The following CSMD2 variants were observed in gnomAD, a reference collection of about 807,000 sequenced individuals.
CSMD2 encodes the protein CUB and sushi domain-containing protein 2.
A neutral mutation model predicts 398.5 loss-of-function variants in CSMD2; 130 were observed. That is an observed-to-expected ratio of 0.33 (90% CI 0.28 to 0.38). CSMD2 has a LOEUF of 0.38. Ranked by LOEUF, CSMD2 falls within the 10% of genes least tolerant of loss-of-function variation. The pLI is 1.00. For missense variants in CSMD2, 3,829 were observed against 4,764.9 expected, an observed-to-expected ratio of 0.80 and a Z score of 5.78; for synonymous variants, 1,828 against 1,908.5, an observed-to-expected ratio of 0.96 and a Z score of 1.10.
chr1:33,800,953 A>C (rs1655531943), intron 10 of CSMD2, among the ~76,000 whole-genome samples: 1 of 150,948 alleles, frequency 6.6e-6, no homozygotes, highest in African/African-American at 2.4e-5. Context: ...GTTTGAGTAA[A>C]TGTTTGCTGA....
chr1:33,618,788 C>T (rs1165405413), intron 37 of CSMD2, among the ~76,000 whole-genome samples: 1 of 151,942 alleles, frequency 6.6e-6, no homozygotes, highest in Non-Finnish European at 1.5e-5. Flanking sequence ...AGGACACAGG[C>T]CATAGGAGGC....
chr1:33,774,358 G>C (rs1001436606), intron 12 of CSMD2, among the ~76,000 whole-genome samples: 1 of 152,162 alleles, frequency 6.6e-6, no homozygotes, highest in African/African-American at 2.4e-5. Flanking sequence ...GCTCAGGGAT[G>C]GGGGAGGGGA....
intron 1 of CSMD2, among the ~76,000 whole-genome samples, chr1:34,145,358 G>A (rs12144089): frequency 1.3e-5 from 2 of 152,214 alleles, no homozygotes; most frequent in African/African-American, 2.4e-5. Context: ...CAGAAAGGCA[G>A]GAGGGCTGCA....
chr1:33,703,419 AT>A (rs1424328027), intron 22 of CSMD2, among the ~76,000 whole-genome samples: 5 of 152,126 alleles, frequency 3.3e-5, no homozygotes, highest in Non-Finnish European at 1.5e-5. Flanking sequence ...TTTGATTGCT[AT>A]TGGGAATTGG....
intron 3 of CSMD2, among the ~76,000 whole-genome samples, chr1:33,940,526 G>C: frequency 6.6e-6 from 1 of 151,760 alleles, no homozygotes. Flanking sequence ...ACTTTATCTT[G>C]TGGGATATGG....
chr1:34,116,516 A>G (rs1186424967), intron 1 of CSMD2, among the ~76,000 whole-genome samples: 1 of 152,224 alleles, frequency 6.6e-6, no homozygotes, highest in Non-Finnish European at 1.5e-5. Flanking sequence ...GACAGAATTA[A>G]AGAGAAAAAT....
At chr1:33,886,707 C>T (rs770530046) in intron 5 of CSMD2, among the ~76,000 whole-genome samples, 1 of 152,196 alleles carries the variant, frequency 6.6e-6, no homozygotes, top group African/African-American at 2.4e-5. Flanking sequence ...CAGCAGCCAG[C>T]CGCAGGAAAG....
At chr1:33,653,786 C>G (rs1398442410) in intron 27 of CSMD2, among the ~76,000 whole-genome samples, 1 of 152,114 alleles carries the variant, frequency 6.6e-6, no homozygotes, top group Non-Finnish European at 1.5e-5. Context: ...ATGGTTTGGT[C>G]TGGAAACCAC....
In CSMD2 at chr1:33,791,632, C is replaced by T. The variant is rs150732241; in HGVS notation, c.1550+791G>A. On this transcript the variant is annotated intron_variant, in intron 11 of 70. Coordinates refer to ENST00000373381, the MANE Select transcript of CSMD2 (RefSeq NM_001281956.2). Reference sequence around the variant, plus strand: ...TCCTGAGTAGCTGGGACTATACAGGCGTGCACCACCACATCCAGCTAATTT... The same window carrying T: ...TCCTGAGTAGCTGGGACTATACAGGTGTGCACCACCACATCCAGCTAATTT... Among the ~76,000 whole-genome samples the T allele has an allele frequency of 6.8e-3, 1,032 of 152,292 alleles. 3 individuals are homozygous for T. Among genetic ancestry groups the T allele is most frequent in the South Asian group, 0.013 (65 of 4,822 alleles).
At chr1:34,086,877 G>T (rs867687229) in intron 2 of CSMD2, among the ~76,000 whole-genome samples, 1 of 152,024 alleles carries the variant, frequency 6.6e-6, no homozygotes, top group Non-Finnish European at 1.5e-5. Flanking sequence ...ACCACCTTCT[G>T]CCACCTCCCA....
intron 5 of CSMD2, chr1:33,884,845 C>T (rs563343856): frequency 6.6e-6 from 1 of 152,400 alleles, no homozygotes; most frequent in African/African-American, 2.4e-5. Context: ...GCTAAGAATT[C>T]CCCCTTTGTC....
intron 5 of CSMD2, among the ~76,000 whole-genome samples, chr1:33,916,714 C>T (rs2125279040): frequency 6.6e-6 from 1 of 152,264 alleles, no homozygotes; most frequent in Admixed American, 6.5e-5. Context: ...TGCTAGTTCC[C>T]AAATCTGAGC....
At chr1:33,733,010 A>G (rs1044493987) in intron 15 of CSMD2, among the ~76,000 whole-genome samples, 2 of 152,222 alleles carry the variant, frequency 1.3e-5, no homozygotes, top group African/African-American at 4.8e-5. Context: ...AGGAAGTCGC[A>G]GGGTCAGGAT....
At chr1:34,103,788 A>G (rs1175880128) in intron 1 of CSMD2, among the ~76,000 whole-genome samples, 1 of 150,656 alleles carries the variant, frequency 6.6e-6, no homozygotes, top group Admixed American at 6.7e-5. Context: ...TTACTTTTGC[A>G]CTAATCTAAT....
intron 1 of CSMD2, among the ~76,000 whole-genome samples, chr1:34,123,200 G>A (rs796179919): frequency 2.6e-5 from 4 of 152,326 alleles, no homozygotes; most frequent in African/African-American, 9.6e-5. Flanking sequence ...TGAACCTCCG[G>A]GAAAGGGACA....
At chr1:34,063,147 T>C (rs1402005701) in intron 2 of CSMD2, among the ~76,000 whole-genome samples, 1 of 152,204 alleles carries the variant, frequency 6.6e-6, no homozygotes, top group Non-Finnish European at 1.5e-5. Context: ...GTAGGAATTA[T>C]GGGAGTACAA....
chr1:33,736,839 C>T (rs1646903399), intron 15 of CSMD2, among the ~76,000 whole-genome samples: 1 of 152,006 alleles, frequency 6.6e-6, no homozygotes, highest in Non-Finnish European at 1.5e-5. Context: ...GTGGTGGTGG[C>T]CCATGAAAAA....
chr1:33,995,434 C>T (rs988946492), intron 3 of CSMD2, among the ~76,000 whole-genome samples: 5 of 152,208 alleles, frequency 3.3e-5, no homozygotes, highest in Non-Finnish European at 7.3e-5. Flanking sequence ...AGCTCTGGGA[C>T]ATCGGACCTT....
intron 5 of CSMD2, among the ~76,000 whole-genome samples, chr1:33,898,963 C>A (rs1160501408): frequency 2.0e-5 from 3 of 152,198 alleles, no homozygotes; most frequent in African/African-American, 4.8e-5. Context: ...CTGCCTGTGA[C>A]TCTTCCTGGT....
Sources: allele counts gnomAD v4.1 joint callset (sites outside exome capture counted in the v4.1 genomes callset), GRCh38; gene constraint gnomAD v4.1.1; transcripts MANE v1.5; gene names NCBI Gene and HGNC (gene_info 2026-07-23, HGNC 2026-07-21).